ADAM23: variants seen among roughly 807,000 people sequenced by gnomAD.
ADAM23 encodes disintegrin and metalloproteinase domain-containing protein 23.
Under a neutral mutation model 120.1 loss-of-function variants are expected in ADAM23, and 33 were observed. The observed-to-expected ratio is 0.27, with a 90% CI of 0.21 to 0.37. The LOEUF is 0.37. Ranked by LOEUF, ADAM23 falls within the 10% of genes least tolerant of loss-of-function variation. ADAM23 has a pLI of 1.00. For missense variants in ADAM23, 862 were observed against 1,058.2 expected, an observed-to-expected ratio of 0.81 and a Z score of 2.57; for synonymous variants, 367 against 375.2, an observed-to-expected ratio of 0.98 and a Z score of 0.25.
In ADAM23 at chr2:206,462,311, G is replaced by GA. The variant is rs1695438308; in HGVS notation, c.432+16791dup. 5.3e-5 allele frequency among the ~76,000 whole-genome samples: 8 copies of GA among 152,140 alleles called. No homozygotes were observed. In the South Asian group the frequency reaches 1.7e-3, roughly 32 times the overall value. On this transcript the variant is annotated intron_variant, in intron 2 of 25. Transcript: ENST00000264377. ...TTCATAAAAATATAATATGAAAAGT[G>GA]AAAATTTCTCTCCCAGCACGCCCCA...
intron 10 of ADAM23, among the ~76,000 whole-genome samples, chr2:206,559,050 TTCTCC>T (rs1199095745): frequency 1.3e-5 from 2 of 152,196 alleles, no homozygotes; most frequent in African/African-American, 4.8e-5. Context: ...GTTCACGCCA[TTCTCC>T]TGCCTCAGCC....
intron 3 of ADAM23, among the ~76,000 whole-genome samples, chr2:206,518,370 C>A (rs1696775744): frequency 6.6e-6 from 1 of 152,082 alleles, no homozygotes; most frequent in Admixed American, 6.5e-5. Context: ...AAATTATGCA[C>A]CTCTAATCAC....
intron 24 of ADAM23, among the ~76,000 whole-genome samples, chr2:206,604,892 A>G (rs1423972654): frequency 6.6e-6 from 1 of 152,214 alleles, no homozygotes; most frequent in Admixed American, 6.5e-5. Flanking sequence ...TTTGATTCCT[A>G]TAGAAATATG....
intron 3 of ADAM23, among the ~76,000 whole-genome samples, chr2:206,516,282 A>G (rs78435163): frequency 6.5e-4 from 99 of 152,064 alleles, no homozygotes; most frequent in Non-Finnish European, 1.3e-3. Flanking sequence ...AAAAATAGTA[A>G]CAATAGAATT....
chr2:206,446,915 G>A lies in ADAM23; in HGVS notation c.432+1391G>A, dbSNP rs1369846936. Among the ~76,000 whole-genome samples the A allele has an allele frequency of 2.0e-5, 3 of 152,298 alleles. No homozygotes were observed. In the East Asian group the frequency reaches 5.8e-4, roughly 29 times the overall value. On this transcript the variant is annotated intron_variant, in intron 2 of 25. Coordinates refer to ENST00000264377, the MANE Select transcript of ADAM23 (RefSeq NM_003812.4). Reference sequence around the variant, plus strand: ...AAATCCAAGGCCCTTTTGATAAAATGCATTGAGGCTTTTATAGCTTTCCTT... The same window carrying A: ...AAATCCAAGGCCCTTTTGATAAAATACATTGAGGCTTTTATAGCTTTCCTT...
chr2:206,497,794 C>A (rs1338646831), intron 3 of ADAM23, among the ~76,000 whole-genome samples: 1 of 152,170 alleles, frequency 6.6e-6, no homozygotes, highest in African/African-American at 2.4e-5. Context: ...TGATAAGCAA[C>A]TTCAGCAAAG....
At chr2:206,545,711 ACAGCC>A (rs1697384673) in intron 6 of ADAM23, among the ~76,000 whole-genome samples, 1 of 152,184 alleles carries the variant, frequency 6.6e-6, no homozygotes, top group South Asian at 2.1e-4. Flanking sequence ...GGTAATGAAG[ACAGCC>A]CACTTAGATA....
intron 4 of ADAM23, among the ~76,000 whole-genome samples, chr2:206,536,558 T>C (rs1697180631): frequency 6.6e-6 from 1 of 152,102 alleles, no homozygotes. Context: ...TATTGTATGA[T>C]GGGAATTTGC....
intron 17 of ADAM23, among the ~76,000 whole-genome samples, 167 bp downstream of exon 17, chr2:206,571,983 A>G (rs1052450791): frequency 6.6e-6 from 1 of 152,204 alleles, no homozygotes; most frequent in Non-Finnish European, 1.5e-5. Flanking sequence ...GTGGGCCGCA[A>G]CATTTATCTC....
At chr2:206,582,095 C>G (rs936167269) in intron 18 of ADAM23, among the ~76,000 whole-genome samples, 2 of 152,160 alleles carry the variant, frequency 1.3e-5, no homozygotes, top group Non-Finnish European at 2.9e-5. Flanking sequence ...TCAGGCTGGT[C>G]TCGAATTCTT....
intron 14 of ADAM23, 73 bp downstream of exon 14, chr2:206,565,141 C>A (rs1273228816): frequency 7.1e-7 from 1 of 1,401,808 alleles, no homozygotes; most frequent in Non-Finnish European, 1.0e-6. Context: ...GAAACAAGGT[C>A]TCTCGGGTAT....
intron 13 of ADAM23, among the ~76,000 whole-genome samples, chr2:206,564,305 T>A (rs1188709679): frequency 3.3e-5 from 5 of 152,092 alleles, no homozygotes; most frequent in Admixed American, 6.5e-5. Context: ...ATATGTCAGT[T>A]TCTGGTATCG....
intron 11 of ADAM23, among the ~76,000 whole-genome samples, chr2:206,560,459 G>A (rs1697741039): frequency 6.6e-6 from 1 of 152,120 alleles, no homozygotes; most frequent in South Asian, 2.1e-4. Context: ...GCTGACTGCT[G>A]TAAAGCAGGT....
intron 3 of ADAM23, among the ~76,000 whole-genome samples, chr2:206,519,570 G>A: frequency 6.6e-6 from 1 of 152,160 alleles, no homozygotes; most frequent in Middle Eastern, 3.4e-3. Context: ...TAGTAGTTTT[G>A]TACCCACATG....
intron 21 of ADAM23, 37 bp downstream of exon 21, chr2:206,589,551 TG>T: frequency 6.5e-7 from 1 of 1,550,150 alleles, no homozygotes; most frequent in Non-Finnish European, 8.8e-7. Flanking sequence ...TCACTGGACT[TG>T]GAAGCCCTTC....
intron 3 of ADAM23, among the ~76,000 whole-genome samples, chr2:206,523,796 A>G (rs571096687): frequency 5.1e-4 from 77 of 152,324 alleles, no homozygotes; most frequent in Non-Finnish European, 7.1e-4. Context: ...TACCACTTAC[A>G]GTAATTATCT....
intron 25 of ADAM23, among the ~76,000 whole-genome samples, chr2:206,616,811 G>T (rs1180875308): frequency 6.6e-6 from 1 of 152,154 alleles, no homozygotes; most frequent in Admixed American, 6.5e-5. Context: ...TGGGGAGGTT[G>T]CAACCAACTT....
intron 2 of ADAM23, among the ~76,000 whole-genome samples, chr2:206,459,262 T>C (rs1695364166): frequency 6.6e-6 from 1 of 152,238 alleles, no homozygotes; most frequent in Non-Finnish European, 1.5e-5. Context: ...TGCCGTCTTA[T>C]TACTTTTGGC....
chr2:206,615,263 A>G (rs1698914276), intron 25 of ADAM23, among the ~76,000 whole-genome samples: 1 of 152,222 alleles, frequency 6.6e-6, no homozygotes, highest in African/African-American at 2.4e-5. Context: ...TGTAAGCTTT[A>G]TGGATTATGC....
Sources: allele counts gnomAD v4.1 joint callset (sites outside exome capture counted in the v4.1 genomes callset), GRCh38; gene constraint gnomAD v4.1.1; transcripts MANE v1.5; gene names NCBI Gene and HGNC (gene_info 2026-07-23, HGNC 2026-07-21).